Variants in DGKB observed in about 807,000 individuals in gnomAD.
DGKB encodes diacylglycerol kinase beta, also known as 90 kDa diacylglycerol kinase.
A neutral mutation model predicts 114.3 loss-of-function variants in DGKB; 67 were observed. The ratio of observed to expected loss-of-function variants is 0.59; its 90% CI spans 0.48 to 0.72. DGKB has a LOEUF of 0.72. Ranked by LOEUF, DGKB falls within the 30% of genes least tolerant of loss-of-function variation. The probability of loss-of-function intolerance (pLI) is 0.00; values close to 1 mark genes in which losing one functional copy is unlikely to be tolerated. For synonymous variants in DGKB, 398 were observed against 323.1 expected (o/e 1.23, Z -2.49); for missense variants, 907 against 975.2 (o/e 0.93, Z 0.93).
At chr7:14,970,554 G>C (rs1038753698) in intron 1 of DGKB, among the ~76,000 whole-genome samples, 2 of 151,688 alleles carry the variant, frequency 1.3e-5, no homozygotes, top group African/African-American at 4.8e-5. Flanking sequence ...GAAAAATGAA[G>C]GAATAAATAA....
intron 21 of DGKB, among the ~76,000 whole-genome samples, chr7:14,352,183 A>C (rs532108294): frequency 6.6e-6 from 1 of 152,324 alleles, no homozygotes; most frequent in African/African-American, 2.4e-5. Context: ...AGTTTATAAA[A>C]GAAAAGATGG....
intron 21 of DGKB, among the ~76,000 whole-genome samples, chr7:14,477,086 A>G (rs1003385665): frequency 4.6e-5 from 7 of 152,196 alleles, no homozygotes; most frequent in African/African-American, 1.7e-4. Context: ...TTAAGGAAAA[A>G]TTAGATACAA....
intron 1 of DGKB, among the ~76,000 whole-genome samples, chr7:14,943,462 A>G (rs900329942): frequency 1.3e-5 from 2 of 151,972 alleles, no homozygotes; most frequent in African/African-American, 4.8e-5. Flanking sequence ...ACTCCACTAG[A>G]TAAGCTTAAA....
intron 21 of DGKB, among the ~76,000 whole-genome samples, chr7:14,380,675 G>A (rs1406841866): frequency 6.6e-6 from 1 of 152,088 alleles, no homozygotes; most frequent in Non-Finnish European, 1.5e-5. Context: ...AGTATTCATT[G>A]CTTTCATCAC....
At chr7:14,602,042 G>GT (rs1563645892) in intron 17 of DGKB, among the ~76,000 whole-genome samples, 1 of 151,306 alleles carries the variant, frequency 6.6e-6, no homozygotes, top group Non-Finnish European at 1.5e-5. Context: ...CACCTTCTAC[G>GT]TTTTTAGGAA....
At position 14,603,424 on chromosome 7, in the gene DGKB, A is replaced by G. The variant is rs927107836; in HGVS notation, c.1433+4010T>C. On this transcript the variant is annotated intron_variant, in intron 17 of 25. Transcript: ENST00000402815. ...CATTTCTGTGTCATAATTTCATAACAAGAGGCATATGTAAAAGGTCATAAG... is the reference window on the plus strand; with the variant it reads ...CATTTCTGTGTCATAATTTCATAACGAGAGGCATATGTAAAAGGTCATAAG... Among the ~76,000 whole-genome samples the G allele has an allele frequency of 2.6e-5, 4 of 152,138 alleles. No homozygotes were observed. The East Asian group carries it at 5.8e-4, about 22-fold the overall frequency.
At chr7:14,840,264 C>T (rs1020055591) in intron 2 of DGKB, among the ~76,000 whole-genome samples, 2 of 152,036 alleles carry the variant, frequency 1.3e-5, no homozygotes, top group Admixed American at 6.5e-5. Context: ...TTTATTCTCC[C>T]TGTCACCATG....
At chr7:14,667,268 C>A (rs1457144473) in intron 13 of DGKB, among the ~76,000 whole-genome samples, 1 of 151,816 alleles carries the variant, frequency 6.6e-6, no homozygotes, top group Non-Finnish European at 1.5e-5. Flanking sequence ...TATGAGAAGA[C>A]AATGGCTATG....
At chr7:14,772,882 T>G (rs111567782) in intron 2 of DGKB, among the ~76,000 whole-genome samples, 3 of 152,266 alleles carry the variant, frequency 2.0e-5, no homozygotes, top group African/African-American at 7.2e-5. Context: ...AGTTCCCTCC[T>G]GCTCATCCTT....
At chr7:14,572,182 G>A (rs1375074354) in intron 20 of DGKB, among the ~76,000 whole-genome samples, 10 of 151,856 alleles carry the variant, frequency 6.6e-5, no homozygotes, top group South Asian at 4.2e-4. Flanking sequence ...GGCCGGGCGC[G>A]GTAGCTCATG....
intron 13 of DGKB, among the ~76,000 whole-genome samples, chr7:14,644,603 AT>A (rs1812535930): frequency 1.3e-5 from 2 of 152,162 alleles, no homozygotes; most frequent in Non-Finnish European, 2.9e-5. Flanking sequence ...AGAAGAAATA[AT>A]TTCCGAGCTT....
rs180804664 is a variant in DGKB, at chr7:14,773,739, C to T, written c.71-16008G>A. 2.6e-4 allele frequency among the ~76,000 whole-genome samples: 39 copies of T among 152,234 alleles called. 1 individual carries two copies. On this transcript the variant is annotated intron_variant, in intron 2 of 25. Coordinates refer to ENST00000402815, the MANE Select transcript of DGKB (RefSeq NM_001350709.2). ...AGAAAGAAGAATGGGATGGCTTTTG[C>T]TGTGGGCAAAAGCTGAGATCACCAG...
chr7:14,326,777 C>T (rs1169995891), intron 23 of DGKB, among the ~76,000 whole-genome samples: 1 of 152,038 alleles, frequency 6.6e-6, no homozygotes, highest in East Asian at 1.9e-4. Context: ...ACTTTGGTTC[C>T]CTGATTTTCT....
intron 20 of DGKB, among the ~76,000 whole-genome samples, chr7:14,522,787 C>T (rs1244628487): frequency 6.6e-6 from 1 of 152,164 alleles, no homozygotes; most frequent in African/African-American, 2.4e-5. Context: ...AAGAATTTGT[C>T]AGCTTCTCAC....
chr7:14,365,889 T>A (rs775059684), intron 21 of DGKB, among the ~76,000 whole-genome samples: 7 of 152,154 alleles, frequency 4.6e-5, no homozygotes, highest in Non-Finnish European at 8.8e-5. Context: ...CAGCAGTTTT[T>A]AATTTTCTGT....
At chr7:14,778,339 C>G (rs1330848673) in intron 2 of DGKB, among the ~76,000 whole-genome samples, 1 of 152,082 alleles carries the variant, frequency 6.6e-6, no homozygotes, top group Non-Finnish European at 1.5e-5. Context: ...AAGCTAATAC[C>G]CACGACCTGT....
At chr7:14,649,448 G>C (rs1031528934) in intron 13 of DGKB, among the ~76,000 whole-genome samples, 4 of 150,998 alleles carry the variant, frequency 2.6e-5, no homozygotes, top group African/African-American at 7.3e-5. Flanking sequence ...CAAATGCTGA[G>C]AGATTTTGTC....
intron 2 of DGKB, among the ~76,000 whole-genome samples, chr7:14,766,289 T>A (rs1442551748): frequency 2.0e-5 from 3 of 152,086 alleles, no homozygotes; most frequent in Middle Eastern, 3.4e-3. Flanking sequence ...AATACATTAT[T>A]AAGACAATCT....
intron 3 of DGKB, among the ~76,000 whole-genome samples, chr7:14,756,298 C>G (rs748188197): frequency 6.6e-6 from 1 of 152,036 alleles, no homozygotes; most frequent in East Asian, 1.9e-4. Flanking sequence ...TTCATCTTTA[C>G]GTTTCCCACC....
Sources: gnomAD v4.1 joint callset for allele counts (sites outside exome capture counted in the v4.1 genomes callset) on GRCh38, gnomAD v4.1.1 for gene constraint, MANE v1.5 for transcripts, NCBI Gene and HGNC (gene_info 2026-07-23, HGNC 2026-07-21) for gene names.